Variants in UBE3D observed in about 807,000 individuals in gnomAD.
The protein encoded by UBE3D is E3 ubiquitin-protein ligase E3D.
In UBE3D, 48 loss-of-function variants were observed where a neutral mutation model predicts 49.6. The observed-to-expected ratio is 0.97, with a 90% CI of 0.77 to 1.23. The LOEUF (loss-of-function observed/expected upper bound fraction) is 1.23, where lower values mean the gene tolerates loss of function less well. Among genes scored for constraint, UBE3D ranks in the 50% most tolerant of loss-of-function variants. The probability of loss-of-function intolerance (pLI) is 0.00; values close to 1 mark genes in which losing one functional copy is unlikely to be tolerated. For missense variants in UBE3D, 452 were observed against 468.4 expected, an observed-to-expected ratio of 0.96 and a Z score of 0.32; for synonymous variants, 189 against 174.2, an observed-to-expected ratio of 1.08 and a Z score of -0.67.
chr6:83,021,729 C>T (rs1437744054), intron 7 of UBE3D, among the ~76,000 whole-genome samples: 1 of 151,808 alleles, frequency 6.6e-6, no homozygotes, highest in Non-Finnish European at 1.5e-5. Flanking sequence ...ATTAGCCGGG[C>T]GTGGTGGCGG....
intron 8 of UBE3D, among the ~76,000 whole-genome samples, chr6:82,976,018 T>C (rs1170760725): frequency 1.3e-5 from 2 of 152,076 alleles, no homozygotes; most frequent in Non-Finnish European, 2.9e-5. Context: ...CAGGAAAAAA[T>C]GTTTTTTAAG....
intron 9 of UBE3D, among the ~76,000 whole-genome samples, chr6:82,945,018 C>A (rs1316121576): frequency 1.3e-5 from 2 of 152,240 alleles, no homozygotes; most frequent in East Asian, 3.9e-4. Flanking sequence ...TCCCTGGACC[C>A]ACCCAGTGGC....
At chr6:83,008,382 T>A (rs1582623775) in intron 8 of UBE3D, among the ~76,000 whole-genome samples, 1 of 152,106 alleles carries the variant, frequency 6.6e-6, no homozygotes, top group African/African-American at 2.4e-5. Flanking sequence ...TAAATGCTGA[T>A]AAACAAACTA....
chr6:82,979,136 G>GT (rs1285230666), intron 8 of UBE3D, among the ~76,000 whole-genome samples: 2 of 152,114 alleles, frequency 1.3e-5, no homozygotes, highest in Non-Finnish European at 2.9e-5. Context: ...ACTAGAGAGG[G>GT]TTTTTTAAAA....
chr6:82,881,756 G>T, the UBE3D span, among the ~76,000 whole-genome samples: 1 of 152,134 alleles, frequency 6.6e-6, no homozygotes, highest in African/African-American at 2.4e-5. Flanking sequence ...AGCCATTCTG[G>T]AATCACATAA....
intron 5 of UBE3D, among the ~76,000 whole-genome samples, chr6:83,026,539 TA>T (rs879418539): frequency 6.6e-6 from 1 of 151,796 alleles, no homozygotes; most frequent in Non-Finnish European, 1.5e-5. Flanking sequence ...CACAGAAAGG[TA>T]AAAAAAATAA....
intron 8 of UBE3D, among the ~76,000 whole-genome samples, chr6:82,996,654 G>A (rs762797932): frequency 3.9e-5 from 6 of 152,206 alleles, no homozygotes; most frequent in East Asian, 3.9e-4. Context: ...TAACATTGCC[G>A]GTGATGGAAG....
chr6:82,979,167 T>C (rs1285718580), intron 8 of UBE3D, among the ~76,000 whole-genome samples: 4 of 152,190 alleles, frequency 2.6e-5, no homozygotes, highest in Admixed American at 1.3e-4. Context: ...ACCTAGCACA[T>C]CATCTTGCAA....
At chr6:83,012,355 T>C (rs1780398261) in intron 8 of UBE3D, among the ~76,000 whole-genome samples, 1 of 152,154 alleles carries the variant, frequency 6.6e-6, no homozygotes, top group South Asian at 2.1e-4. Flanking sequence ...AATGGTGCCA[T>C]ATCAAGGGCT....
the UBE3D span, among the ~76,000 whole-genome samples, chr6:82,882,221 C>A: frequency 1.3e-5 from 2 of 152,138 alleles, no homozygotes; most frequent in African/African-American, 4.8e-5. Context: ...AGGGGAAATC[C>A]AGAGTTTATC....
At chr6:83,009,939 ACATTCATGGCCATGATG>A (rs757019746) in intron 8 of UBE3D, among the ~76,000 whole-genome samples, 157 of 151,838 alleles carry the variant, frequency 1.0e-3, no homozygotes, top group Non-Finnish European at 2.0e-3. Flanking sequence ...AAGATACAAA[ACATTCATGGCCATGATG>A]CATGAGAGTA....
chr6:82,942,747 T>C lies in UBE3D; in HGVS notation c.1149+14565A>G, dbSNP rs942858706. Among the ~76,000 whole-genome samples, 18 of 152,134 alleles carry C rather than the reference T, an allele frequency of 1.2e-4. 1 individual carries two copies. The highest frequency in any genetic ancestry group is 2.7e-4 in the African/African-American group (11 of 41,438). On this transcript the variant is annotated intron_variant, in intron 9 of 9. Transcript: ENST00000369747. The stretch of plus-strand genomic sequence containing the variant: ...CTCCACCTAGATTTCAGAGGATGTA[T>C]GGAAATGCCTGGATGTCCAGGCAGA...
chr6:83,036,308 G>C (rs1372544727), intron 5 of UBE3D: 1 of 152,092 alleles, frequency 6.6e-6, no homozygotes, highest in Non-Finnish European at 1.5e-5. Flanking sequence ...ACAGGCGTGA[G>C]CCTCCGTGCC....
At chr6:82,942,177 G>GAAA (rs1276462778) in intron 9 of UBE3D, among the ~76,000 whole-genome samples, 2 of 152,196 alleles carry the variant, frequency 1.3e-5, no homozygotes, top group African/African-American at 4.8e-5. Context: ...ATGGAGATAA[G>GAAA]AAACTTGTTG....
chr6:82,884,563 T>G, the UBE3D span, among the ~76,000 whole-genome samples: 1 of 152,156 alleles, frequency 6.6e-6, no homozygotes, highest in African/African-American at 2.4e-5. Flanking sequence ...TATGTTTGGC[T>G]CCATACACAC....
chr6:83,020,341 GT>G (rs11341564), intron 7 of UBE3D, among the ~76,000 whole-genome samples: 89,903 of 141,182 alleles, frequency 0.64, 28,941 homozygotes, highest in East Asian at 0.77. Flanking sequence ...ATGTGATACT[GT>G]TTTTTTTTTT....
chr6:82,886,187 G>C, the UBE3D span, among the ~76,000 whole-genome samples: 1 of 152,184 alleles, frequency 6.6e-6, no homozygotes, highest in African/African-American at 2.4e-5. Flanking sequence ...CTTTGCTTAC[G>C]TAAGGCAGCG....
At chr6:82,926,870 T>A (rs1221561289) in intron 9 of UBE3D, among the ~76,000 whole-genome samples, 1 of 152,104 alleles carries the variant, frequency 6.6e-6, no homozygotes. Context: ...AAGTCCAGCT[T>A]ATCAATTCTT....
chr6:82,988,490 A>G (rs1778676632), intron 8 of UBE3D, among the ~76,000 whole-genome samples: 1 of 152,200 alleles, frequency 6.6e-6, no homozygotes, highest in African/African-American at 2.4e-5. Flanking sequence ...TTTAACTGAC[A>G]CAATGAGCAA....
Sources: allele counts gnomAD v4.1 joint callset (sites outside exome capture counted in the v4.1 genomes callset), GRCh38; gene constraint gnomAD v4.1.1; transcripts MANE v1.5; gene names NCBI Gene and HGNC (gene_info 2026-07-23, HGNC 2026-07-21).